RYR2: variants seen among roughly 807,000 people sequenced by gnomAD.
RYR2 encodes cardiac muscle ryanodine receptor-calcium release channel.
In RYR2, 227 loss-of-function variants were observed where a neutral mutation model predicts 601.1. That is an observed-to-expected ratio of 0.38 (90% CI 0.34 to 0.42). The LOEUF (loss-of-function observed/expected upper bound fraction) is 0.42. RYR2 is among the 10% of genes least tolerant of loss of function. The pLI is 1.00. For missense variants in RYR2, 4,646 were observed against 6,156.5 expected (o/e 0.75, Z 8.21); for synonymous variants, 2,223 against 2,175.1 (o/e 1.02, Z -0.61).
chr1:237,462,107 T>G (rs367793755), intron 16 of RYR2, among the ~76,000 whole-genome samples: 1 of 152,188 alleles, frequency 6.6e-6, no homozygotes, highest in Admixed American at 6.5e-5. Flanking sequence ...TGTATCTACC[T>G]TTCCTTCTTT....
intron 71 of RYR2, among the ~76,000 whole-genome samples, chr1:237,714,385 G>T (rs1311757741): frequency 6.6e-6 from 1 of 152,210 alleles, no homozygotes; most frequent in South Asian, 2.1e-4. Flanking sequence ...AGTCAAAGAT[G>T]TCAGAGGTAA....
Position 237,730,367 on chromosome 1 carries a change from A to T in RYR2, c.10935+11A>T, listed in dbSNP as rs1356949269. ...ATAGAAGATTTAGCAGTATGTTTTT[A>T]GTGGGGCTCTAAGATGAAAGAGGGT... On this transcript the variant is annotated intron_variant, in intron 77 of 104. Coordinates refer to ENST00000366574, the MANE Select transcript of RYR2 (RefSeq NM_001035.3). 2 of 1,451,610 alleles carry T rather than the reference A, an allele frequency of 1.4e-6. No homozygotes were observed. Among genetic ancestry groups the T allele is most frequent in the Admixed American group, 3.4e-5 (2 of 59,566 alleles). The allele number at this position is 1,451,610 out of a possible 1,614,324, so 89.9% of individuals were successfully genotyped here.
chr1:237,100,455 C>T (rs1304237183), intron 1 of RYR2, among the ~76,000 whole-genome samples: 2 of 150,852 alleles, frequency 1.3e-5, no homozygotes, highest in Admixed American at 6.6e-5. Context: ...GGTGTGATCT[C>T]GGCTCAATGC....
intron 1 of RYR2, among the ~76,000 whole-genome samples, chr1:237,249,057 G>A (rs980496195): frequency 4.6e-5 from 7 of 152,132 alleles, no homozygotes; most frequent in East Asian, 3.9e-4. Context: ...GAGCCATTGC[G>A]CCCGGCCGAA....
At chr1:237,452,074 ATTTTGTGTGTGTG>A (rs141290363) in intron 14 of RYR2, among the ~76,000 whole-genome samples, 8 of 121,416 alleles carry the variant, frequency 6.6e-5, no homozygotes, top group Admixed American at 2.4e-4. Flanking sequence ...TATATATAAA[ATTTTGTGTGTGTG>A]TGTGTGTGTG....
At chr1:237,662,488 GT>G (rs5781980) in intron 56 of RYR2, among the ~76,000 whole-genome samples, 114,836 of 149,248 alleles carry the variant, frequency 0.77, 44,163 homozygotes, top group Middle Eastern at 0.8. Context: ...AGAAAGGGAT[GT>G]TTTTTTTTTT....
intron 24 of RYR2, among the ~76,000 whole-genome samples, chr1:237,529,206 G>A (rs12085725): frequency 1.5e-3 from 227 of 152,138 alleles, no homozygotes; most frequent in African/African-American, 5.3e-3. Flanking sequence ...CTGTGAGTTC[G>A]TTTTTTATTT....
chr1:237,199,112 T>G (rs1194868753), intron 1 of RYR2, among the ~76,000 whole-genome samples: 1 of 152,224 alleles, frequency 6.6e-6, no homozygotes, highest in Non-Finnish European at 1.5e-5. Flanking sequence ...ATATGGTTTT[T>G]GCCTTCAAGG....
intron 1 of RYR2, among the ~76,000 whole-genome samples, chr1:237,184,405 A>T (rs902267196): frequency 6.6e-6 from 1 of 152,178 alleles, no homozygotes; most frequent in African/African-American, 2.4e-5. Flanking sequence ...AGTTTCCTCA[A>T]ATTACGGAAT....
In RYR2 at chr1:237,368,269, C is replaced by G. The variant is rs78046364; in HGVS notation, c.310-1265C>G. 5.3e-3 allele frequency among the ~76,000 whole-genome samples: 803 copies of G among 152,172 alleles called. 12 individuals are homozygous for G. The highest frequency in any genetic ancestry group is 0.019 in the African/African-American group (768 of 41,510). ...ATTATAACATCAATACATATTTATTCTATACAGTTTGGAAGTTACAGAAGA... is the reference window on the plus strand; with the variant it reads ...ATTATAACATCAATACATATTTATTGTATACAGTTTGGAAGTTACAGAAGA... On this transcript the variant is annotated intron_variant, in intron 5 of 104. Transcript: ENST00000366574.
chr1:237,548,555 C>T lies in RYR2; in HGVS notation c.3031C>T (p.Arg1011Ter). Residue 1011 changes from arginine to a stop codon, truncating the protein, a stop_gained, in exon 26 of 105, where the codon CGA (arginine) becomes TGA (stop). Coordinates refer to ENST00000366574, the MANE Select transcript of RYR2 (RefSeq NM_001035.3). LOFTEE classifies it high-confidence loss of function. ...TGCACATAATGTGTGGGCGCGGGATCGAATCCGGCAGGGCTGGACTTATGG... is the reference window on the plus strand; with the variant it reads ...TGCACATAATGTGTGGGCGCGGGATTGAATCCGGCAGGGCTGGACTTATGG... Reference protein sequence around the residue: ...ENAHNVWARDRIRQGWTYGIQ... With the variant: ...ENAHNVWARD The T allele has an allele frequency of 6.2e-7, 1 of 1,613,918 alleles. No individual in the cohort carries two copies. Among genetic ancestry groups the T allele is most frequent in the Non-Finnish European group, 8.5e-7 (1 of 1,179,870 alleles).
intron 29 of RYR2, among the ~76,000 whole-genome samples, chr1:237,576,748 GA>G (rs1208318028): frequency 2.6e-5 from 4 of 151,920 alleles, no homozygotes; most frequent in Non-Finnish European, 5.9e-5. Flanking sequence ...GTGTACAACT[GA>G]AAAAAATGTT....
intron 48 of RYR2, among the ~76,000 whole-genome samples, chr1:237,645,988 T>G (rs1253169401): frequency 6.6e-6 from 1 of 150,666 alleles, no homozygotes; most frequent in Non-Finnish European, 1.5e-5. Context: ...GCCATTCTCC[T>G]GCTTCAGCCT....
intron 34 of RYR2, among the ~76,000 whole-genome samples, chr1:237,599,145 C>T (rs2127159): frequency 0.21 from 31,587 of 152,014 alleles, 3,862 homozygotes; most frequent in South Asian, 0.37. Flanking sequence ...AATGAAAAGT[C>T]TCTATCAAAG....
chr1:237,511,908 C>A, intron 24 of RYR2, 117 bp downstream of exon 24: 1 of 650,988 alleles, frequency 1.5e-6, no homozygotes, highest in Non-Finnish European at 2.5e-6. Context: ...ATTTTTAATT[C>A]CAGCTAGAAC....
At chr1:237,491,981 T>C in intron 18 of RYR2, 57 bp downstream of exon 18, 1 of 781,640 alleles carries the variant, frequency 1.3e-6, no homozygotes, top group Non-Finnish European at 2.1e-6. Context: ...AGATATATTT[T>C]TAAATACAAT....
intron 87 of RYR2, among the ~76,000 whole-genome samples, chr1:237,774,075 T>C (rs1694468286): frequency 6.6e-6 from 1 of 152,210 alleles, no homozygotes; most frequent in South Asian, 2.1e-4. Context: ...CCAAATAGCG[T>C]ATAGAATATT....
intron 1 of RYR2, among the ~76,000 whole-genome samples, chr1:237,048,123 T>A (rs1438462503): frequency 6.6e-6 from 1 of 152,156 alleles, no homozygotes; most frequent in Non-Finnish European, 1.5e-5. Context: ...CTTTCCTTCC[T>A]AGTGTCTCTG....
At chr1:237,427,154 TG>T (rs1197226769) in intron 12 of RYR2, among the ~76,000 whole-genome samples, 1 of 152,194 alleles carries the variant, frequency 6.6e-6, no homozygotes, top group East Asian at 1.9e-4. Context: ...TTCTTCATCA[TG>T]CGTAATCCAG....
Sources: gnomAD v4.1 joint callset for allele counts (sites outside exome capture counted in the v4.1 genomes callset) on GRCh38, gnomAD v4.1.1 for gene constraint, MANE v1.5 for transcripts, NCBI Gene and HGNC (gene_info 2026-07-23, HGNC 2026-07-21) for gene names.